Variants in VIT observed in about 807,000 individuals in gnomAD.
VIT encodes the protein vitrin.
A neutral mutation model predicts 78.0 loss-of-function variants in VIT; 99 were observed. The observed-to-expected ratio is 1.27, with a 90% confidence interval of 1.08 to 1.50. The LOEUF is 1.50. VIT is among the 40% of genes most tolerant of loss of function. The pLI is 0.00. For missense variants in VIT, 1,126 were observed against 875.3 expected (o/e 1.29, Z -3.61); for synonymous variants, 374 against 334.3 (o/e 1.12, Z -1.29).
chr2:36,736,889 A>C (rs1305633773), intron 3 of VIT, among the ~76,000 whole-genome samples: 1 of 152,200 alleles, frequency 6.6e-6, no homozygotes, highest in African/African-American at 2.4e-5. Flanking sequence ...TAAAGTTGAA[A>C]AATCTGAAGT....
At chr2:36,755,426 G>C (rs1232529924) in intron 5 of VIT, among the ~76,000 whole-genome samples, 2 of 152,164 alleles carry the variant, frequency 1.3e-5, no homozygotes, top group African/African-American at 2.4e-5. Flanking sequence ...TAAGTGGATA[G>C]ATAGGTATTG....
chr2:36,803,570 A>G (rs75665471), intron 13 of VIT, among the ~76,000 whole-genome samples: 143 of 152,294 alleles, frequency 9.4e-4, no homozygotes, highest in African/African-American at 3.3e-3. Flanking sequence ...AAAATTGTCC[A>G]TTGGCTATAA....
At chr2:36,781,875 A>G (rs1259605079) in intron 10 of VIT, 104 bp downstream of exon 10, 1 of 1,386,326 alleles carries the variant, frequency 7.2e-7, no homozygotes, top group Non-Finnish European at 1.0e-6. Flanking sequence ...GAGCTCCACT[A>G]GCCTAGGATT....
intron 12 of VIT, among the ~76,000 whole-genome samples, chr2:36,793,384 G>A (rs138631929): frequency 6.6e-6 from 1 of 152,202 alleles, no homozygotes; most frequent in Admixed American, 6.5e-5. Context: ...ATGTGGAAAA[G>A]ACCAGTTCCC....
intron 2 of VIT, among the ~76,000 whole-genome samples, chr2:36,718,897 C>T (rs1268355196): frequency 6.6e-6 from 1 of 152,222 alleles, no homozygotes; most frequent in African/African-American, 2.4e-5. Context: ...TTCTACCTTG[C>T]CCCTTTGGGA....
intron 11 of VIT, among the ~76,000 whole-genome samples, chr2:36,784,915 C>G (rs1253134432): frequency 6.6e-6 from 1 of 152,156 alleles, no homozygotes; most frequent in Non-Finnish European, 1.5e-5. Context: ...CAAAAGTAAC[C>G]GTGGTATCAG....
chr2:36,779,295 C>T (rs1330750239), intron 9 of VIT, among the ~76,000 whole-genome samples: 1 of 152,186 alleles, frequency 6.6e-6, no homozygotes, highest in Non-Finnish European at 1.5e-5. Flanking sequence ...GTTTCCTCAC[C>T]TGTAAAATGG....
chr2:36,765,490 C>G (rs1669376127), intron 6 of VIT, among the ~76,000 whole-genome samples: 1 of 150,844 alleles, frequency 6.6e-6, no homozygotes, highest in African/African-American at 2.4e-5. Context: ...TGAGAACTCA[C>G]TCACTATCAT....
intron 3 of VIT, among the ~76,000 whole-genome samples, chr2:36,740,798 G>T (rs1010687327): frequency 2.6e-5 from 4 of 152,198 alleles, no homozygotes; most frequent in Non-Finnish European, 4.4e-5. Context: ...GAAGTAAAAT[G>T]TGACATTTTC....
chr2:36,707,827 C>T (rs1186153740), intron 1 of VIT, among the ~76,000 whole-genome samples: 1 of 148,284 alleles, frequency 6.7e-6, no homozygotes, highest in African/African-American at 2.5e-5. Flanking sequence ...TCCTTACCTA[C>T]TTGGCTCACA....
chr2:36,734,961 C>T (rs1053624914), intron 3 of VIT, among the ~76,000 whole-genome samples: 2 of 151,964 alleles, frequency 1.3e-5, no homozygotes, highest in Non-Finnish European at 2.9e-5. Flanking sequence ...GTCAGGAGTT[C>T]GAGACCAGCC....
At chr2:36,763,827 G>A (rs532386745) in intron 6 of VIT, among the ~76,000 whole-genome samples, 1 of 152,182 alleles carries the variant, frequency 6.6e-6, no homozygotes, top group Admixed American at 6.5e-5. Context: ...GACCTCAAGT[G>A]ATCCACCCAT....
At chr2:36,799,105 T>C (rs1666124871) in intron 12 of VIT, among the ~76,000 whole-genome samples, 1 of 152,218 alleles carries the variant, frequency 6.6e-6, no homozygotes, top group African/African-American at 2.4e-5. Flanking sequence ...CTGTCTTCCC[T>C]GAAGGTGTCC....
intron 9 of VIT, among the ~76,000 whole-genome samples, chr2:36,780,244 G>C (rs927946299): frequency 6.6e-6 from 1 of 152,170 alleles, no homozygotes; most frequent in Non-Finnish European, 1.5e-5. Flanking sequence ...CCCTGATGTT[G>C]GGGGACTGTT....
chr2:36,702,644 G>C (rs1861392), intron 1 of VIT, among the ~76,000 whole-genome samples: 1 of 151,680 alleles, frequency 6.6e-6, no homozygotes, highest in Non-Finnish European at 1.5e-5. Flanking sequence ...TAGTCTCTTC[G>C]TGTCCAGAGT....
chr2:36,801,689 TC>T (rs1472341891), intron 13 of VIT, among the ~76,000 whole-genome samples: 3 of 148,012 alleles, frequency 2.0e-5, no homozygotes, highest in African/African-American at 7.6e-5. Flanking sequence ...GTGCCTATAA[TC>T]CCAGCTACTT....
At chr2:36,705,538 A>C (rs957593675) in intron 1 of VIT, among the ~76,000 whole-genome samples, 13 of 152,316 alleles carry the variant, frequency 8.5e-5, no homozygotes, top group South Asian at 4.1e-4. Context: ...GACATGTAGA[A>C]ACATGCCACA....
chr2:36,795,952 G>A (rs577062995), intron 12 of VIT, among the ~76,000 whole-genome samples: 1 of 152,246 alleles, frequency 6.6e-6, no homozygotes, highest in African/African-American at 2.4e-5. Flanking sequence ...TGAGCTCAAT[G>A]TTAATGAATC....
At position 36,706,237 on chromosome 2, in the gene VIT, C is replaced by T. The variant is rs146469982; in HGVS notation, c.-19+9264C>T. The stretch of plus-strand genomic sequence containing the variant: ...CTAGGGACCTTCTGCTTTGATGCTA[C>T]CAAAAGACAAGCACATGTGTCCTTT... On this transcript the variant is annotated intron_variant, in intron 1 of 15. Transcript: ENST00000379242. Among the ~76,000 whole-genome samples, 4 of 152,264 alleles carry T rather than the reference C, an allele frequency of 2.6e-5. No individual in the cohort carries two copies. In the East Asian group the frequency reaches 7.7e-4, roughly 29 times the overall value.
Sources: allele counts gnomAD v4.1 joint callset (sites outside exome capture counted in the v4.1 genomes callset), GRCh38; gene constraint gnomAD v4.1.1; transcripts MANE v1.5; gene names NCBI Gene and HGNC (gene_info 2026-07-23, HGNC 2026-07-21).